RAP1GDS1: variants seen among roughly 807,000 people sequenced by gnomAD.
The protein encoded by RAP1GDS1 is RAP1, GTP-GDP dissociation stimulator 1.
Under a neutral mutation model 71.1 loss-of-function variants are expected in RAP1GDS1, and 35 were observed. The observed-to-expected ratio is 0.49, with a 90% CI of 0.38 to 0.65. RAP1GDS1 has a LOEUF of 0.65. RAP1GDS1 is among the 30% of genes least tolerant of loss of function. The probability of loss-of-function intolerance (pLI) is 0.00; values close to 1 mark genes in which losing one functional copy is unlikely to be tolerated. For synonymous variants in RAP1GDS1, 229 were observed against 243.1 expected (o/e 0.94, Z 0.54); for missense variants, 663 against 706.1 (o/e 0.94, Z 0.69).
intron 11 of RAP1GDS1, 78 bp from the exon 12 acceptor site, chr4:98,421,177 C>T (rs1285874450): frequency 2.2e-6 from 3 of 1,366,932 alleles, no homozygotes; most frequent in Non-Finnish European, 2.9e-6. Flanking sequence ...ACGTCCTTCA[C>T]ACTCTCAAAT....
chr4:98,372,619 A>G (rs1321089549), intron 4 of RAP1GDS1, among the ~76,000 whole-genome samples: 1 of 152,076 alleles, frequency 6.6e-6, no homozygotes, highest in African/African-American at 2.4e-5. Flanking sequence ...CCTCCCTTAA[A>G]TCTTTTATGC....
chr4:98,403,083 A>G (rs1006097444), intron 6 of RAP1GDS1, among the ~76,000 whole-genome samples: 2 of 152,194 alleles, frequency 1.3e-5, no homozygotes, highest in African/African-American at 2.4e-5. Flanking sequence ...CACATTATAC[A>G]GTAGCTTTCT....
At chr4:98,441,674 G>A in intron 14 of RAP1GDS1, 1 of 922,284 alleles carries the variant, frequency 1.1e-6, no homozygotes, top group Non-Finnish European at 1.3e-6. Context: ...GACTGAGCAG[G>A]ATGAATCCCT....
intron 4 of RAP1GDS1, among the ~76,000 whole-genome samples, chr4:98,367,156 A>C (rs1578608598): frequency 6.6e-6 from 1 of 152,028 alleles, no homozygotes; most frequent in Admixed American, 6.5e-5. Flanking sequence ...GGAACTTAGT[A>C]CTCTGCCTTC....
intron 7 of RAP1GDS1, among the ~76,000 whole-genome samples, chr4:98,413,294 T>C (rs1220508355): frequency 6.6e-6 from 1 of 152,014 alleles, no homozygotes; most frequent in African/African-American, 2.4e-5. Flanking sequence ...TATGTATACA[T>C]GTGCCATGCT....
intron 2 of RAP1GDS1, among the ~76,000 whole-genome samples, chr4:98,334,947 G>A (rs1412983561): frequency 2.0e-5 from 3 of 150,926 alleles, no homozygotes; most frequent in Admixed American, 1.3e-4. Context: ...GATGGGGAAG[G>A]TAGAAGGCTT....
At chr4:98,278,833 T>A (rs1174380333) in intron 1 of RAP1GDS1, among the ~76,000 whole-genome samples, 1 of 152,204 alleles carries the variant, frequency 6.6e-6, no homozygotes, top group Admixed American at 6.5e-5. Flanking sequence ...CCAAGATCTG[T>A]TGGATTTTTT....
chr4:98,442,161 C>G lies in RAP1GDS1; in HGVS notation c.*44C>G, dbSNP rs376975796. On this transcript the variant is annotated 3_prime_UTR_variant, in exon 15 of 15. Transcript: ENST00000408927. ...CATCATCCCATCTCTAATTTCCCCT[C>G]TGTCCTCCATCCAGCGGCTTCTTCC... The G allele has an allele frequency of 1.9e-6, 3 of 1,600,972 alleles. No homozygotes were observed. The South Asian group carries it at 3.3e-5, about 18-fold the overall frequency.
At position 98,404,587 on chromosome 4, in the gene RAP1GDS1, C is replaced by G. The variant is rs769362129; in HGVS notation, c.748C>G (p.Pro250Ala). 5 of 1,599,628 alleles carry G rather than the reference C, an allele frequency of 3.1e-6. No individual in the cohort carries two copies. Among genetic ancestry groups the G allele is most frequent in the Non-Finnish European group, 4.3e-6 (5 of 1,175,110 alleles). ...AGAAATGATTTTTGAAGTTCTTGCT[C>G]CATTGGCAGAAAATGGTGAGAAACT... ...KREMIFEVLA[P>A]LAENDAIKLQ... Residue 250 changes from proline (P) to alanine (A), a missense_variant, in exon 7 of 15, where the codon CCA becomes GCA. By Grantham distance (27) the Pro-to-Ala change is conservative. Coordinates refer to ENST00000408927, the MANE Select transcript of RAP1GDS1 (RefSeq NM_001100427.2).
At chr4:98,274,954 T>C (rs1006833736) in intron 1 of RAP1GDS1, among the ~76,000 whole-genome samples, 1 of 152,066 alleles carries the variant, frequency 6.6e-6, no homozygotes, top group East Asian at 1.9e-4. Flanking sequence ...TAACTCCCCA[T>C]GGGTAACTGG....
intron 4 of RAP1GDS1, among the ~76,000 whole-genome samples, chr4:98,355,966 T>C (rs916093245): frequency 1.5e-4 from 23 of 152,172 alleles, no homozygotes; most frequent in African/African-American, 5.1e-4. Context: ...TTGGTCTCTT[T>C]TCTTCCAGAG....
Position 98,379,234 on chromosome 4 carries a change from C to A in RAP1GDS1, c.508+71C>A. The A allele has an allele frequency of 6.2e-6, 8 of 1,288,162 alleles. No homozygotes were observed. In the South Asian group the frequency reaches 7.0e-5, roughly 11 times the overall value. 79.8% of individuals were successfully genotyped at this position (1,288,162 alleles called of 1,614,324 possible). A position where few individuals can be genotyped will look rare whatever the true frequency, so the allele number is the denominator to read the frequency against. Reference sequence around the variant, plus strand: ...AAATTATCTTTACTATAGTGCAAAACAAAAATATTTGAAAAATGATGAACA... The same window carrying A: ...AAATTATCTTTACTATAGTGCAAAAAAAAAATATTTGAAAAATGATGAACA... On this transcript the variant is annotated intron_variant, in intron 5 of 14. Transcript: ENST00000408927.
At chr4:98,336,402 A>G (rs920019653) in intron 2 of RAP1GDS1, among the ~76,000 whole-genome samples, 2 of 152,220 alleles carry the variant, frequency 1.3e-5, no homozygotes, top group African/African-American at 4.8e-5. Flanking sequence ...TGCTTATTCT[A>G]GTGATGATTT....
chr4:98,375,415 T>C (rs1416494061), intron 4 of RAP1GDS1, among the ~76,000 whole-genome samples: 7 of 152,156 alleles, frequency 4.6e-5, no homozygotes, highest in Non-Finnish European at 1.0e-4. Flanking sequence ...GGATTAGAAC[T>C]TAAACATAGA....
At chr4:98,380,930 T>C (rs1436918794) in intron 5 of RAP1GDS1, among the ~76,000 whole-genome samples, 2 of 151,660 alleles carry the variant, frequency 1.3e-5, no homozygotes, top group South Asian at 2.1e-4. Flanking sequence ...GGTATTAATA[T>C]ATCAGATGGC....
intron 4 of RAP1GDS1, among the ~76,000 whole-genome samples, chr4:98,355,209 A>C (rs994952238): frequency 6.6e-6 from 1 of 152,140 alleles, no homozygotes; most frequent in Non-Finnish European, 1.5e-5. Flanking sequence ...ATTTTAATTC[A>C]TCAACCTTCT....
intron 7 of RAP1GDS1, 97 bp from the exon 8 acceptor site, chr4:98,416,648 C>A: frequency 1.7e-6 from 2 of 1,190,568 alleles, no homozygotes; most frequent in Non-Finnish European, 2.3e-6. Flanking sequence ...CCGCACCTGG[C>A]CCTCTTAGTT....
At chr4:98,304,758 A>C (rs1271856865) in intron 2 of RAP1GDS1, among the ~76,000 whole-genome samples, 2 of 151,952 alleles carry the variant, frequency 1.3e-5, no homozygotes, top group Admixed American at 1.3e-4. Flanking sequence ...TTTGTTATGA[A>C]ATCTTTCCCC....
intron 6 of RAP1GDS1, among the ~76,000 whole-genome samples, chr4:98,399,974 G>A (rs1745132748): frequency 6.6e-6 from 1 of 152,070 alleles, no homozygotes; most frequent in South Asian, 2.1e-4. Flanking sequence ...GGGTGACATA[G>A]GGAAACCATC....
Sources: gnomAD v4.1 joint callset for allele counts (sites outside exome capture counted in the v4.1 genomes callset) on GRCh38, gnomAD v4.1.1 for gene constraint, MANE v1.5 for transcripts, NCBI Gene and HGNC (gene_info 2026-07-23, HGNC 2026-07-21) for gene names.